Variants in RASA1 observed in about 807,000 individuals in gnomAD.
The protein encoded by RASA1 is ras GTPase-activating protein 1.
In RASA1, 25 loss-of-function variants were observed where a neutral mutation model predicts 132.2. The ratio of observed to expected loss-of-function variants is 0.19; its 90% CI spans 0.14 to 0.26. RASA1 has a LOEUF of 0.26. Among genes scored for constraint, RASA1 ranks in the 10% least tolerant of loss-of-function variants. The pLI is 1.00. For missense variants in RASA1, 964 were observed against 1,299.2 expected (o/e 0.74, Z 3.97); for synonymous variants, 477 against 449.9 (o/e 1.06, Z -0.76).
In RASA1 at chr5:87,369,793, T is replaced by C; in HGVS notation, c.1611-20T>C. The C allele has an allele frequency of 1.3e-6, 2 of 1,574,618 alleles. No individual in the cohort carries two copies. The highest frequency in any genetic ancestry group is 1.7e-6 in the Non-Finnish European group (2 of 1,146,076). On this transcript the variant is annotated intron_variant, in intron 11 of 24. Transcript: ENST00000274376. The stretch of plus-strand genomic sequence containing the variant: ...TACTTTTTATTAAGCTTCCTAATAA[T>C]TTTTGTTTTTATTTTAAAGGCCAAA...
intron 9 of RASA1, among the ~76,000 whole-genome samples, chr5:87,360,889 CTT>C (rs1760037817): frequency 6.6e-6 from 1 of 152,066 alleles, no homozygotes; most frequent in Admixed American, 6.6e-5. Flanking sequence ...GTTTTTTTCT[CTT>C]TATCATTTAT....
chr5:87,275,656 C>T (rs770084324), intron 1 of RASA1, among the ~76,000 whole-genome samples: 29 of 152,006 alleles, frequency 1.9e-4, no homozygotes, highest in Admixed American at 7.9e-4. Flanking sequence ...CTGCAACCTC[C>T]GCCTTCCGGG....
At chr5:87,361,992 G>T (rs1165882778) in intron 9 of RASA1, among the ~76,000 whole-genome samples, 1 of 152,120 alleles carries the variant, frequency 6.6e-6, no homozygotes, top group African/African-American at 2.4e-5. Context: ...TGAAATCATG[G>T]TTATAACACC....
chr5:87,336,910 A>G (rs1221809438), intron 4 of RASA1, among the ~76,000 whole-genome samples: 1 of 152,092 alleles, frequency 6.6e-6, no homozygotes, highest in Non-Finnish European at 1.5e-5. Context: ...ATTGAGTTAA[A>G]TGTTGTATAA....
chr5:87,342,345 G>A (rs1758535060), intron 6 of RASA1, among the ~76,000 whole-genome samples: 1 of 151,950 alleles, frequency 6.6e-6, no homozygotes, highest in South Asian at 2.1e-4. Context: ...CTTTAGTAGA[G>A]ATGCGGTTTT....
chr5:87,292,730 G>A lies in RASA1; in HGVS notation c.539+23740G>A, dbSNP rs141017051. ...GATTGGAATTGTGCCAAATCTGTACGTCAAGTTGGGAAGAACAGACATGTT... is the reference window on the plus strand; with the variant it reads ...GATTGGAATTGTGCCAAATCTGTACATCAAGTTGGGAAGAACAGACATGTT... On this transcript the variant is annotated intron_variant, in intron 1 of 24. Coordinates refer to ENST00000274376, the MANE Select transcript of RASA1 (RefSeq NM_002890.3). Among the ~76,000 whole-genome samples, 316 of 152,212 alleles carry A rather than the reference G, an allele frequency of 2.1e-3. 1 individual carries two copies. The highest frequency in any genetic ancestry group is 6.8e-3 in the Middle Eastern group (2 of 294).
intron 1 of RASA1, among the ~76,000 whole-genome samples, chr5:87,272,615 A>G (rs1487504750): frequency 1.3e-5 from 2 of 152,204 alleles, no homozygotes; most frequent in Middle Eastern, 3.4e-3. Context: ...TGTTCGATAA[A>G]TACGTAGTCC....
Position 87,333,255 on chromosome 5 carries a change from TA to T in RASA1, c.829-11del. 2 of 1,610,870 alleles carry T rather than the reference TA, an allele frequency of 1.2e-6. No homozygotes were observed. The highest frequency in any genetic ancestry group is 3.4e-5 in the Admixed American group (2 of 59,696). On this transcript the variant is annotated splice_polypyrimidine_tract_variant and intron_variant, in intron 3 of 24. Coordinates refer to ENST00000274376, the MANE Select transcript of RASA1 (RefSeq NM_002890.3). ...CTATCTTTTTAAATCTTTTTTTTTT[TA>T]TGGTTTCTAGCCAGTAGAAGATAGA...
intron 4 of RASA1, among the ~76,000 whole-genome samples, chr5:87,334,647 A>G (rs1345183607): frequency 6.6e-6 from 1 of 152,228 alleles, no homozygotes; most frequent in Non-Finnish European, 1.5e-5. Flanking sequence ...CTTAATAGAA[A>G]TCAAGGCTGT....
intron 2 of RASA1, 23 bp from the exon 3 acceptor site, chr5:87,332,484 T>C: frequency 6.3e-7 from 1 of 1,592,134 alleles, no homozygotes; most frequent in Non-Finnish European, 8.6e-7. Flanking sequence ...TTTTTTATAC[T>C]GTATTTTTTC....
chr5:87,379,278 G>A (rs1761539294), intron 18 of RASA1, among the ~76,000 whole-genome samples: 1 of 152,134 alleles, frequency 6.6e-6, no homozygotes, highest in Non-Finnish European at 1.5e-5. Flanking sequence ...AAGTGCAGCA[G>A]GTAGGTAGGG....
intron 10 of RASA1, 49 bp from the exon 11 acceptor site, chr5:87,363,299 G>C (rs1760254561): frequency 6.9e-7 from 1 of 1,456,976 alleles, no homozygotes; most frequent in Non-Finnish European, 9.6e-7. Flanking sequence ...TAATATGTAG[G>C]ATTTCACAAT....
chr5:87,293,851 C>T lies in RASA1; in HGVS notation c.539+24861C>T, dbSNP rs531680085. Among the ~76,000 whole-genome samples the T allele has an allele frequency of 7.2e-5, 11 of 151,818 alleles. No homozygotes were observed. In the South Asian group the frequency reaches 1.0e-3, roughly 14 times the overall value. ...TCATTTAGCTTTGCAAATTTGTGGGCGTAGATTTATTTACAATATTAGTTT... is the reference window on the plus strand; with the variant it reads ...TCATTTAGCTTTGCAAATTTGTGGGTGTAGATTTATTTACAATATTAGTTT... On this transcript the variant is annotated intron_variant, in intron 1 of 24. Coordinates refer to ENST00000274376, the MANE Select transcript of RASA1 (RefSeq NM_002890.3).
chr5:87,278,865 G>A (rs1754183945), intron 1 of RASA1, among the ~76,000 whole-genome samples: 3 of 144,826 alleles, frequency 2.1e-5, no homozygotes, highest in Non-Finnish European at 4.5e-5. Context: ...TAACCAGAGT[G>A]TCTCCTTCCT....
chr5:87,364,458 A>C (rs1237246605), intron 11 of RASA1, among the ~76,000 whole-genome samples: 1 of 152,154 alleles, frequency 6.6e-6, no homozygotes, highest in Non-Finnish European at 1.5e-5. Flanking sequence ...TATATTGTGA[A>C]TCTGTAAAAT....
rs78423267 is a variant in RASA1 at position 87,323,381 on chromosome 5, A to C, written c.540-7967A>C. On this transcript the variant is annotated intron_variant, in intron 1 of 24. Coordinates refer to ENST00000274376, the MANE Select transcript of RASA1 (RefSeq NM_002890.3). The stretch of plus-strand genomic sequence containing the variant: ...TGGGATATAAGCCTATGTATAGTAG[A>C]AAAATGGGCATATTGTGGAGAACTT... Among the ~76,000 whole-genome samples the C allele has an allele frequency of 2.2e-3, 338 of 152,346 alleles. 11 individuals are homozygous for C. The East Asian group carries it at 0.049, about 22-fold the overall frequency.
At chr5:87,333,970 T>C (rs1334304975) in intron 4 of RASA1, among the ~76,000 whole-genome samples, 1 of 152,184 alleles carries the variant, frequency 6.6e-6, no homozygotes, top group African/African-American at 2.4e-5. Flanking sequence ...TTTATGAATT[T>C]AGGTAATTTT....
rs751406972 is a variant in RASA1, at chr5:87,374,930, GAA to G, written c.2011+16_2011+17del. 1 of 1,598,134 alleles carries G rather than the reference GAA, an allele frequency of 6.3e-7. No individual in the cohort carries two copies. The highest frequency in any genetic ancestry group is 1.1e-5 in the South Asian group (1 of 88,878). Reference sequence around the variant, plus strand: ...ATCCTGATATCTGTAAGTTGATACAGAAACTTTCTAAAATAGAAAAAGCATGT... The same window carrying G: ...ATCCTGATATCTGTAAGTTGATACAGACTTTCTAAAATAGAAAAAGCATGT... On this transcript the variant is annotated intron_variant, in intron 15 of 24. Coordinates refer to ENST00000274376, the MANE Select transcript of RASA1 (RefSeq NM_002890.3).
At chr5:87,332,382 G>T in intron 2 of RASA1, 125 bp from the exon 3 acceptor site, 1 of 971,506 alleles carries the variant, frequency 1.0e-6, no homozygotes, top group Admixed American at 2.5e-5. Flanking sequence ...TGGTATTTTA[G>T]TATAAGGATA....
Sources: allele counts gnomAD v4.1 joint callset (sites outside exome capture counted in the v4.1 genomes callset), GRCh38; gene constraint gnomAD v4.1.1; transcripts MANE v1.5; gene names NCBI Gene and HGNC (gene_info 2026-07-23, HGNC 2026-07-21).